PNO1: variants seen among roughly 807,000 people sequenced by gnomAD.
PNO1 encodes partner of NOB1 homolog, also known as RNA-binding protein PNO1.
Under a neutral mutation model 28.4 loss-of-function variants are expected in PNO1, and 16 were observed. The observed-to-expected ratio is 0.56, with a 90% CI of 0.38 to 0.85. The LOEUF (loss-of-function observed/expected upper bound fraction) is 0.85. Ranked by LOEUF, PNO1 falls within the 40% of genes least tolerant of loss-of-function variation. PNO1 has a pLI of 0.00. For synonymous variants in PNO1, 115 were observed against 110.8 expected (o/e 1.04, Z -0.24); for missense variants, 304 against 312.2 (o/e 0.97, Z 0.20).
chr2:68,173,318 A>G, intron 5 of PNO1, 29 bp from the exon 6 acceptor site: 2 of 1,378,786 alleles, frequency 1.5e-6, no homozygotes, highest in Non-Finnish European at 2.1e-6. Context: ...CATCCCAGCC[A>G]CTAATTTGTC....
At chr2:68,159,275 TG>T (rs1460144541) in intron 2 of PNO1, among the ~76,000 whole-genome samples, 7 of 145,088 alleles carry the variant, frequency 4.8e-5, no homozygotes. Flanking sequence ...TGTGTGTGTG[TG>T]TGTATATATA....
chr2:68,159,254 A>G (rs977767793), intron 2 of PNO1, among the ~76,000 whole-genome samples: 34 of 150,248 alleles, frequency 2.3e-4, no homozygotes, highest in East Asian at 2.0e-4. Context: ...ATGCATATAT[A>G]TGTGTGTGTG....
At chr2:68,170,985 C>T (rs1306356360) in intron 5 of PNO1, among the ~76,000 whole-genome samples, 1 of 152,162 alleles carries the variant, frequency 6.6e-6, no homozygotes, top group Non-Finnish European at 1.5e-5. Flanking sequence ...CACACTCAGC[C>T]TTTCTGTCAC....
Position 68,158,144 on chromosome 2 carries a change from A to C in PNO1, c.207+3A>C. ...CCCTCTGTGGGGACGGGCTCCTGGT[A>C]TGTGGCTGGGACCCTAGGACAGCAA... On this transcript the variant is annotated splice_donor_region_variant and intron_variant, in intron 1 of 6. Transcript: ENST00000263657. 1 of 1,593,178 alleles carries C rather than the reference A, an allele frequency of 6.3e-7. No individual in the cohort carries two copies. Among genetic ancestry groups the C allele is most frequent in the Non-Finnish European group, 8.6e-7 (1 of 1,169,292 alleles).
intron 5 of PNO1, among the ~76,000 whole-genome samples, chr2:68,168,447 TTG>T (rs1457874338): frequency 2.6e-5 from 4 of 152,308 alleles, no homozygotes; most frequent in African/African-American, 9.6e-5. Flanking sequence ...TAGTTACTGT[TTG>T]TGGAACAGAG....
chr2:68,162,228 TGGAA>T (rs1370554193), intron 3 of PNO1, 33 bp from the exon 4 acceptor site: 6 of 1,516,926 alleles, frequency 4.0e-6, no homozygotes, highest in Middle Eastern at 1.7e-4. Context: ...GGTGTGCAAA[TGGAA>T]GGGGCTTCAC....
chr2:68,171,939 A>C (rs928145491), intron 5 of PNO1, among the ~76,000 whole-genome samples: 5 of 152,042 alleles, frequency 3.3e-5, no homozygotes, highest in Non-Finnish European at 7.4e-5. Context: ...GGAATGACAG[A>C]AAGTGGTGAA....
chr2:68,174,310 T>C (rs1347143448), intron 6 of PNO1, among the ~76,000 whole-genome samples: 1 of 89,402 alleles, frequency 1.1e-5, no homozygotes, highest in South Asian at 3.9e-4. Context: ...TTTTTTTTTT[T>C]GTAATTTCCA....
rs778658720 is a variant in PNO1, at chr2:68,162,377, T to A, written c.502+52T>A. 34 of 1,383,602 alleles carry A rather than the reference T, an allele frequency of 2.5e-5. No homozygotes were observed. In the East Asian group the frequency reaches 6.2e-4, roughly 25 times the overall value. The allele number at this position is 1,383,602 out of a possible 1,614,324, so 85.7% of individuals were successfully genotyped here. On this transcript the variant is annotated intron_variant, in intron 4 of 6. Coordinates refer to ENST00000263657, the MANE Select transcript of PNO1 (RefSeq NM_020143.4). ...GTGTCGCTGACTTTGTATTGTGATG[T>A]GACTCTCAGTTTTCTAATAGCATCA...
chr2:68,172,922 C>T (rs1463019572), intron 5 of PNO1, among the ~76,000 whole-genome samples: 1 of 152,066 alleles, frequency 6.6e-6, no homozygotes, highest in Non-Finnish European at 1.5e-5. Context: ...AATTCATATA[C>T]CATAAAATTC....
At position 68,174,740 on chromosome 2, in the gene PNO1, C is replaced by A. The variant is rs1355163289; in HGVS notation, c.697C>A (p.Pro233Thr). The A allele has an allele frequency of 6.2e-7, 1 of 1,604,336 alleles. No homozygotes were observed. The highest frequency in any genetic ancestry group is 1.3e-5 in the African/African-American group (1 of 74,876). ...TAICNLILGN[P>T]PSKVYGNIRA... is the part of the protein sequence containing the mutation. Reference sequence around the variant, plus strand: ...CTTTTTTTTCCCCTTTGCAGGAAATCCTCCTTCCAAGGTTTATGGCAATAT... The same window carrying A: ...CTTTTTTTTCCCCTTTGCAGGAAATACTCCTTCCAAGGTTTATGGCAATAT... Residue 233 changes from proline (P) to threonine (T), a missense_variant, in exon 7 of 7, where the codon CCT becomes ACT. Pro to Thr is a conservative substitution (Grantham distance 38). Coordinates refer to ENST00000263657, the MANE Select transcript of PNO1 (RefSeq NM_020143.4).
Position 68,157,966 on chromosome 2 carries a change from G to A in PNO1, c.32G>A (p.Arg11Lys). 1.9e-6 allele frequency: 3 copies of A among 1,614,082 alleles called. No individual in the cohort carries two copies. The highest frequency in any genetic ancestry group is 2.5e-6 in the Non-Finnish European group (3 of 1,180,006). Reference sequence around the variant, plus strand: ...TCCGAAATGGAAACGCAGAGCGCCAGGGCAGAGGAGGGCTTTACCCAGGTC... The same window carrying A: ...TCCGAAATGGAAACGCAGAGCGCCAAGGCAGAGGAGGGCTTTACCCAGGTC... MESEMETQSA[R>K]AEEGFTQVTR... is the part of the protein sequence containing the mutation. The change falls in exon 1 of 7, where the codon AGG becomes AAG. Residue 11 changes from arginine (R) to lysine (K), a missense_variant. By Grantham distance (26) the Arg-to-Lys change is conservative. Coordinates refer to ENST00000263657, the MANE Select transcript of PNO1 (RefSeq NM_020143.4).
At chr2:68,159,604 G>A (rs886958828) in intron 2 of PNO1, among the ~76,000 whole-genome samples, 2 of 151,976 alleles carry the variant, frequency 1.3e-5, no homozygotes, top group African/African-American at 2.4e-5. Flanking sequence ...TACCAGAATC[G>A]ATAACCGAAA....
Position 68,158,448 on chromosome 2 carries a change from G to A in PNO1, c.276G>A (p.Trp92Ter). The A allele has an allele frequency of 6.2e-7, 1 of 1,613,378 alleles. No homozygotes were observed. Among genetic ancestry groups the A allele is most frequent in the Non-Finnish European group, 8.5e-7 (1 of 1,179,312 alleles). The part of the protein sequence containing the change: ...ANRYTPLKEN[W>*]MKIFTPIVEH... The stretch of plus-strand genomic sequence containing the variant: ...GATACACACCATTGAAAGAAAACTG[G>A]ATGAAGATATTTACTCCTATTGTGG... The change falls in exon 2 of 7, where the codon TGG becomes TGA. Residue 92 changes from tryptophan (W) to a stop codon, truncating the protein, a stop_gained. Coordinates refer to ENST00000263657, the MANE Select transcript of PNO1 (RefSeq NM_020143.4). LOFTEE classifies it high-confidence loss of function.
At chr2:68,158,328 T>TC in intron 1 of PNO1, 52 bp from the exon 2 acceptor site, 1 of 1,541,376 alleles carries the variant, frequency 6.5e-7, no homozygotes. Flanking sequence ...CATTTTAAAC[T>TC]CCATCACCGT....
Position 68,175,785 on chromosome 2 carries a change from C to CTT in PNO1, c.*984_*985dup, listed in dbSNP as rs1674265417. 1 of 152,212 alleles carries CTT rather than the reference C, an allele frequency of 6.6e-6. No individual in the cohort carries two copies. Among genetic ancestry groups the CTT allele is most frequent in the African/African-American group, 2.4e-5 (1 of 41,444 alleles). 9.4% of individuals were successfully genotyped at this position (152,212 alleles called of 1,614,324 possible). Reference sequence around the variant, plus strand: ...TGTTGGGTATACAGATGCTTCTCAACTTATGATGGGTTTAGGTCCAGATAA... The same window carrying CTT: ...TGTTGGGTATACAGATGCTTCTCAACTTTTATGATGGGTTTAGGTCCAGATAA... On this transcript the variant is annotated 3_prime_UTR_variant, in exon 7 of 7. Coordinates refer to ENST00000263657, the MANE Select transcript of PNO1 (RefSeq NM_020143.4).
chr2:68,157,967 G>GAA lies in PNO1; in HGVS notation c.33_34insAA (p.Ala12LysfsTer59). The GAA allele has an allele frequency of 6.2e-7, 1 of 1,614,132 alleles. No individual in the cohort carries two copies. The highest frequency in any genetic ancestry group is 8.5e-7 in the Non-Finnish European group (1 of 1,180,028). On this transcript the variant is annotated frameshift_variant, in exon 1 of 7. Coordinates refer to ENST00000263657, the MANE Select transcript of PNO1 (RefSeq NM_020143.4). LOFTEE classifies it high-confidence loss of function. The stretch of plus-strand genomic sequence containing the variant: ...CCGAAATGGAAACGCAGAGCGCCAG[G>GAA]GCAGAGGAGGGCTTTACCCAGGTCA...
At position 68,173,356 on chromosome 2, in the gene PNO1, C is replaced by T; in HGVS notation, c.630C>T (p.His210=). The change falls in exon 6 of 7, where the codon CAC becomes CAT. Residue 210 remains histidine, a synonymous_variant. Transcript: ENST00000263657. ...TRIVLADVKV[H]ILGSFQNIKM... ...ATTTTATTTCTTTCAGGAAAGTTCA[C>T]ATCCTTGGCTCCTTCCAAAATATCA... is the stretch of plus-strand genomic sequence containing the variant. 6.3e-7 allele frequency: 1 copy of T among 1,598,446 alleles called. No homozygotes were observed. Among genetic ancestry groups the T allele is most frequent in the East Asian group, 2.2e-5 (1 of 44,766 alleles).
Position 68,176,001 on chromosome 2 carries a change from G to A in PNO1, c.*1199G>A, listed in dbSNP as rs542895785. 4.6e-5 allele frequency: 7 copies of A among 152,298 alleles called. No individual in the cohort carries two copies. In the East Asian group the frequency reaches 5.8e-4, roughly 13 times the overall value. 9.4% of individuals were successfully genotyped at this position (152,298 alleles called of 1,614,324 possible). On this transcript the variant is annotated 3_prime_UTR_variant, in exon 7 of 7. Transcript: ENST00000263657. ...TGAAAGTGAAAAACAGAATGGTTGG[G>A]TACTTGAAATACAGCTTCTACTGAA... is the stretch of plus-strand genomic sequence containing the variant.
Sources: gnomAD v4.1 joint callset for allele counts (sites outside exome capture counted in the v4.1 genomes callset) on GRCh38, gnomAD v4.1.1 for gene constraint, MANE v1.5 for transcripts, NCBI Gene and HGNC (gene_info 2026-07-23, HGNC 2026-07-21) for gene names.